Variants in BMERB1 observed in about 807,000 individuals in gnomAD.
BMERB1 encodes the protein bMERB domain containing 1, also known as bMERB domain-containing protein 1.
In BMERB1, 12 loss-of-function variants were observed where a neutral mutation model predicts 23.6. That is an observed-to-expected ratio of 0.51 (90% CI 0.33 to 0.82). BMERB1 has a LOEUF of 0.82. BMERB1 is among the 40% of genes least tolerant of loss of function. The pLI is 0.03. For missense variants in BMERB1, 247 were observed against 255.4 expected (o/e 0.97, Z 0.22); for synonymous variants, 122 against 96.6 (o/e 1.26, Z -1.54).
At chr16:15,511,760 C>G (rs1319032952) in intron 1 of BMERB1, among the ~76,000 whole-genome samples, 1 of 151,908 alleles carries the variant, frequency 6.6e-6, no homozygotes, top group East Asian at 1.9e-4. Flanking sequence ...GCCTGTAATC[C>G]CAGCACTTTG....
chr16:15,545,085 G>A (rs150316585), intron 2 of BMERB1, among the ~76,000 whole-genome samples: 2,144 of 152,012 alleles, frequency 0.014, 59 homozygotes, highest in African/African-American at 0.05. Context: ...CAATTCTCCC[G>A]CCTCAGCCTC....
chr16:15,494,963 A>G (rs2051459693), intron 1 of BMERB1, among the ~76,000 whole-genome samples: 1 of 134,648 alleles, frequency 7.4e-6, no homozygotes, highest in Non-Finnish European at 1.5e-5. Flanking sequence ...AGCTCACTGC[A>G]ATCTCTGCCT....
At chr16:15,549,959 T>G (rs375454604) in intron 2 of BMERB1, among the ~76,000 whole-genome samples, 11 of 152,166 alleles carry the variant, frequency 7.2e-5, no homozygotes, top group African/African-American at 2.4e-4. Context: ...AAAGCACGTT[T>G]TTTTTTTTGA....
chr16:15,504,837 T>C (rs2051569277), intron 1 of BMERB1, among the ~76,000 whole-genome samples: 1 of 152,062 alleles, frequency 6.6e-6, no homozygotes, highest in Non-Finnish European at 1.5e-5. Flanking sequence ...TAGGTGAAAG[T>C]TGATTCTCCC....
At chr16:15,494,877 CTTTTTTTTTTTTTTTTT>C (rs754135430) in intron 1 of BMERB1, among the ~76,000 whole-genome samples, 2 of 95,176 alleles carry the variant, frequency 2.1e-5, no homozygotes, top group Admixed American at 1.2e-4. Context: ...TTTTTTTTAT[CTTTTTTTTTTTTTTTTT>C]TTTTTTTGAG....
intron 1 of BMERB1, among the ~76,000 whole-genome samples, chr16:15,444,058 G>A (rs1038209248): frequency 4.1e-5 from 6 of 148,036 alleles, no homozygotes; most frequent in African/African-American, 1.2e-4. Context: ...GGGGATTTCA[G>A]GTAAGCTGTC....
intron 1 of BMERB1, among the ~76,000 whole-genome samples, chr16:15,439,674 T>C (rs1408927814): frequency 1.3e-5 from 2 of 152,192 alleles, no homozygotes; most frequent in African/African-American, 4.8e-5. Flanking sequence ...GTTTTTCCAC[T>C]AGCAGGGAGG....
chr16:15,478,719 G>A (rs1034085588), intron 1 of BMERB1, among the ~76,000 whole-genome samples: 2 of 152,172 alleles, frequency 1.3e-5, no homozygotes, highest in African/African-American at 4.8e-5. Context: ...AGCACAAGAA[G>A]GCAGGGCACC....
intron 3 of BMERB1, among the ~76,000 whole-genome samples, chr16:15,578,977 C>G (rs767266787): frequency 6.6e-6 from 1 of 152,144 alleles, no homozygotes; most frequent in Admixed American, 6.5e-5. Flanking sequence ...TGTGAGCTGA[C>G]GCAGGCCACT....
In BMERB1 at chr16:15,502,519, C is replaced by G. The variant is rs145970306; in HGVS notation, c.107-12786C>G. On this transcript the variant is annotated intron_variant, in intron 1 of 5. Transcript: ENST00000300006. The stretch of plus-strand genomic sequence containing the variant: ...CTCATTAAAAGCAACGGGCGGCTTC[C>G]CATTACATTCACGTTATAGCAAGAA... The G allele has an allele frequency of 1.0e-3, 759 of 728,344 alleles. 3 individuals carry two copies. The African/African-American group carries it at 0.012, about 11-fold the overall frequency. 45.1% of individuals were successfully genotyped at this position (728,344 alleles called of 1,614,324 possible). A position where few individuals can be genotyped will look rare whatever the true frequency, so the allele number is the denominator to read the frequency against.
chr16:15,547,836 G>A (rs185523524), intron 2 of BMERB1, among the ~76,000 whole-genome samples: 5 of 152,230 alleles, frequency 3.3e-5, no homozygotes, highest in East Asian at 3.9e-4. Context: ...GTGTGATTCC[G>A]ATGGAGCCAC....
intron 2 of BMERB1, among the ~76,000 whole-genome samples, chr16:15,550,697 A>G (rs2150965971): frequency 6.6e-6 from 1 of 152,218 alleles, no homozygotes; most frequent in East Asian, 1.9e-4. Flanking sequence ...GGGTATGGGA[A>G]CAGAAGATGA....
chr16:15,496,663 C>T (rs1046018582), intron 1 of BMERB1, among the ~76,000 whole-genome samples: 8 of 151,812 alleles, frequency 5.3e-5, no homozygotes, highest in Admixed American at 2.0e-4. Context: ...CTCAGCCTCC[C>T]GAGTAGCTGG....
chr16:15,549,064 T>A (rs2030005430), intron 2 of BMERB1, among the ~76,000 whole-genome samples: 1 of 152,092 alleles, frequency 6.6e-6, no homozygotes, highest in Admixed American at 6.6e-5. Context: ...TGCGGCCGGA[T>A]GTGGTGGTTC....
chr16:15,465,666 A>G (rs1012368989), intron 1 of BMERB1, among the ~76,000 whole-genome samples: 1 of 152,138 alleles, frequency 6.6e-6, no homozygotes, highest in African/African-American at 2.4e-5. Context: ...AGATCTTTGT[A>G]TTAGTCCTTT....
chr16:15,574,088 TG>T (rs2030799689), intron 3 of BMERB1, among the ~76,000 whole-genome samples: 1 of 150,502 alleles, frequency 6.6e-6, no homozygotes, highest in South Asian at 2.1e-4. Context: ...TCGGCATAGC[TG>T]GGGAAGCCTC....
intron 1 of BMERB1, among the ~76,000 whole-genome samples, chr16:15,437,431 C>G (rs909461412): frequency 2.0e-5 from 3 of 152,156 alleles, no homozygotes; most frequent in Non-Finnish European, 2.9e-5. Context: ...ACGTATTGTT[C>G]ACTTCCATTC....
At chr16:15,450,144 T>C (rs1194658862) in intron 1 of BMERB1, among the ~76,000 whole-genome samples, 1 of 152,146 alleles carries the variant, frequency 6.6e-6, no homozygotes, top group Non-Finnish European at 1.5e-5. Flanking sequence ...ACCACCGTAC[T>C]CCAAAGCTGT....
Position 15,549,963 on chromosome 16 carries a change from T to G in BMERB1, c.231-18020T>G, listed in dbSNP as rs541706786. Among the ~76,000 whole-genome samples the G allele has an allele frequency of 1.1e-3, 160 of 152,294 alleles. 1 individual carries two copies. Among genetic ancestry groups the G allele is most frequent in the African/African-American group, 3.6e-3 (151 of 41,566 alleles). ...TTCCCATTTCAAAAGCACGTTTTTT[T>G]TTTTGAGATGCAGTCTTGCTCTGTC... is the stretch of plus-strand genomic sequence containing the variant. On this transcript the variant is annotated intron_variant, in intron 2 of 5. Coordinates refer to ENST00000300006, the MANE Select transcript of BMERB1 (RefSeq NM_033201.3).
Sources: gnomAD v4.1 joint callset for allele counts (sites outside exome capture counted in the v4.1 genomes callset) on GRCh38, gnomAD v4.1.1 for gene constraint, MANE v1.5 for transcripts, NCBI Gene and HGNC (gene_info 2026-07-23, HGNC 2026-07-21) for gene names.